Variants in VWA2 observed in about 807,000 individuals in gnomAD.
VWA2 encodes von Willebrand factor A domain-containing protein 2.
VWA2 carries 73 observed loss-of-function variants against 70.4 expected under a neutral mutation model. That is an observed-to-expected ratio of 1.04 (90% CI 0.86 to 1.26). The LOEUF is 1.26. Ranked by LOEUF, VWA2 falls within the 50% of genes most tolerant of loss-of-function variation. The pLI is 0.00. For synonymous variants in VWA2, 407 were observed against 423.3 expected, an observed-to-expected ratio of 0.96 and a Z score of 0.47; for missense variants, 1,011 against 998.5, an observed-to-expected ratio of 1.01 and a Z score of -0.17.
At chr10:114,248,107 CAA>C (rs57749043) in intron 1 of VWA2, among the ~76,000 whole-genome samples, 23 of 98,860 alleles carry the variant, frequency 2.3e-4, no homozygotes, top group African/African-American at 1.8e-4. Flanking sequence ...GACTCCATCT[CAA>C]AAAAAAAAAA....
At chr10:114,262,312 A>G (rs1023548894) in intron 5 of VWA2, among the ~76,000 whole-genome samples, 3 of 149,548 alleles carry the variant, frequency 2.0e-5, no homozygotes, top group Non-Finnish European at 4.4e-5. Flanking sequence ...TTTATATATT[A>G]TATATACATA....
chr10:114,279,319 C>G (rs1018626685), intron 8 of VWA2, among the ~76,000 whole-genome samples: 18 of 152,162 alleles, frequency 1.2e-4, no homozygotes, highest in African/African-American at 4.3e-4. Flanking sequence ...TGCTGCCCGT[C>G]TGCCCACCCA....
chr10:114,243,603 G>A (rs1391702219), intron 1 of VWA2, among the ~76,000 whole-genome samples: 1 of 146,908 alleles, frequency 6.8e-6, no homozygotes, highest in Non-Finnish European at 1.5e-5. Flanking sequence ...AATCTATTTG[G>A]GGTTGGAATT....
At chr10:114,272,371 A>G (rs1465973441) in intron 5 of VWA2, among the ~76,000 whole-genome samples, 2 of 152,072 alleles carry the variant, frequency 1.3e-5, no homozygotes, top group Admixed American at 1.3e-4. Flanking sequence ...TGCTTTCCCA[A>G]CCCAGGATGT....
At chr10:114,267,537 A>G (rs1040920240) in intron 5 of VWA2, among the ~76,000 whole-genome samples, 3 of 149,154 alleles carry the variant, frequency 2.0e-5, no homozygotes, top group African/African-American at 7.5e-5. Context: ...GGTTCAAGCG[A>G]TTCTCCTGCC....
chr10:114,278,074 G>A (rs1564728402), intron 7 of VWA2, 27 bp downstream of exon 7: 2 of 1,598,620 alleles, frequency 1.3e-6, no homozygotes, highest in East Asian at 2.3e-5. Context: ...TGGAGGGAGT[G>A]GAAGTGCCAT....
In VWA2 at chr10:114,278,753, G is replaced by A. The variant is rs760008558; in HGVS notation, c.735G>A (p.Arg245=). ...CRVEAHPCEH[R]TLEMVREFAG... ...TCGAGGCTCACCCCTGTGAGCACAG[G>A]ACGCTGGAGATGGTCCGGGAGTTCG... The change falls in exon 8 of 14, where the codon AGG becomes AGA. Residue 245 remains arginine (R), a synonymous_variant. Coordinates refer to ENST00000392982, the MANE Select transcript of VWA2 (RefSeq NM_001272046.2). 1.9e-5 allele frequency: 30 copies of A among 1,613,842 alleles called. No homozygotes were observed. The South Asian group carries it at 3.2e-4, about 17-fold the overall frequency.
intron 9 of VWA2, among the ~76,000 whole-genome samples, chr10:114,283,305 TTAGACACACAGGCAGGGTAGC>T (rs1564735818): frequency 0.028 from 3,962 of 143,240 alleles, 87 homozygotes; most frequent in African/African-American, 0.062. Context: ...CAGCGAGCAG[TTAGACACACAGGCAGGGTAGC>T]GAGCAGTTAG....
chr10:114,261,413 A>G, intron 5 of VWA2, 118 bp downstream of exon 5: 1 of 705,242 alleles, frequency 1.4e-6, no homozygotes, highest in Non-Finnish European at 2.4e-6. Context: ...TGCTTTCAGG[A>G]GTCCAGCTGG....
At chr10:114,285,855 G>C in intron 10 of VWA2, 84 bp from the exon 11 acceptor site, 1 of 1,373,010 alleles carries the variant, frequency 7.3e-7, no homozygotes, top group Non-Finnish European at 9.7e-7. Flanking sequence ...TCTCCCTCCT[G>C]GGAGATGTTC....
intron 5 of VWA2, among the ~76,000 whole-genome samples, chr10:114,264,939 C>T (rs1005156773): frequency 5.9e-5 from 9 of 152,010 alleles, no homozygotes; most frequent in Non-Finnish European, 1.0e-4. Context: ...AGGCTGGTCT[C>T]GAACTCCTGA....
chr10:114,289,557 C>T, intron 12 of VWA2, 68 bp downstream of exon 12: 1 of 1,560,226 alleles, frequency 6.4e-7, no homozygotes, highest in Admixed American at 1.7e-5. Flanking sequence ...CCTTCACATA[C>T]ATCATGACGA....
At chr10:114,283,712 C>T (rs976652025) in intron 9 of VWA2, among the ~76,000 whole-genome samples, 2 of 152,174 alleles carry the variant, frequency 1.3e-5, no homozygotes, top group African/African-American at 2.4e-5. Flanking sequence ...TGGGACCATG[C>T]GTGTATTGTG....
chr10:114,286,331 C>G lies in VWA2; in HGVS notation c.1390C>G (p.Pro464Ala). Residue 464 changes from proline to alanine, a missense_variant, in exon 11 of 14, where the codon CCA becomes GCA. By Grantham distance (27) the Pro-to-Ala change is conservative. Coordinates refer to ENST00000392982, the MANE Select transcript of VWA2 (RefSeq NM_001272046.2). ...ESHSEDEVAG[P>A]ARHARARELL... ...ACACTCCGAGGATGAGGTTGCGGGC[C>G]CAGCGCGTCACGCAAGGGCGCGAGA... 1 of 1,612,942 alleles carries G rather than the reference C, an allele frequency of 6.2e-7. No homozygotes were observed. Among genetic ancestry groups the G allele is most frequent in the Non-Finnish European group, 8.5e-7 (1 of 1,179,426 alleles).
At position 114,291,558 on chromosome 10, in the gene VWA2, TGA is replaced by T. The variant is rs2039600611; in HGVS notation, c.*323_*324del. ...GCTATGTCATCTGCCACCTTTCCCT[TGA>T]GGATAAACAAGGGGTCCTGAAGACT... On this transcript the variant is annotated 3_prime_UTR_variant, in exon 14 of 14. Coordinates refer to ENST00000392982, the MANE Select transcript of VWA2 (RefSeq NM_001272046.2). 3.0e-6 allele frequency: 1 copy of T among 329,508 alleles called. No homozygotes were observed. The highest frequency in any genetic ancestry group is 2.2e-5 in the African/African-American group (1 of 45,774). The allele number at this position is 329,508 out of a possible 1,614,324, so 20.4% of individuals were successfully genotyped here.
chr10:114,263,720 A>G (rs2037497870), intron 5 of VWA2, among the ~76,000 whole-genome samples: 1 of 152,142 alleles, frequency 6.6e-6, no homozygotes, highest in African/African-American at 2.4e-5. Flanking sequence ...CTTTATGGAG[A>G]TATATTTTAT....
intron 4 of VWA2, 41 bp from the exon 5 acceptor site, chr10:114,261,145 C>T: frequency 6.8e-7 from 1 of 1,465,092 alleles, no homozygotes; most frequent in Admixed American, 1.7e-5. Context: ...ATGTTTTTGA[C>T]TCCAGTCTCG....
At chr10:114,280,863 T>C (rs1408372953) in intron 8 of VWA2, 2 of 152,152 alleles carry the variant, frequency 1.3e-5, no homozygotes, top group Non-Finnish European at 2.9e-5. Context: ...TTCAGCCTCC[T>C]AAGTAGTTGG....
intron 5 of VWA2, among the ~76,000 whole-genome samples, chr10:114,269,883 A>G (rs116856106): frequency 0.021 from 3,231 of 152,302 alleles, 54 homozygotes; most frequent in Middle Eastern, 0.051. Flanking sequence ...CAGTGGGTAG[A>G]GGAGCAGGTT....
Sources: allele counts gnomAD v4.1 joint callset (sites outside exome capture counted in the v4.1 genomes callset), GRCh38; gene constraint gnomAD v4.1.1; transcripts MANE v1.5; gene names NCBI Gene and HGNC (gene_info 2026-07-23, HGNC 2026-07-21).